DNAH5: variants seen among roughly 807,000 people sequenced by gnomAD.
The protein encoded by DNAH5 is dynein axonemal heavy chain 5.
Under a neutral mutation model 518.2 loss-of-function variants are expected in DNAH5, and 372 were observed. That is an observed-to-expected ratio of 0.72 (90% CI 0.66 to 0.78). The LOEUF (loss-of-function observed/expected upper bound fraction) is 0.78. Among genes scored for constraint, DNAH5 ranks in the 30% least tolerant of loss-of-function variants. The pLI is 0.00. For synonymous variants in DNAH5, 2,039 were observed against 2,025.9 expected (o/e 1.01, Z -0.17); for missense variants, 5,523 against 5,687.0 (o/e 0.97, Z 0.93).
chr5:13,923,628 A>T (rs950944035), intron 3 of DNAH5, among the ~76,000 whole-genome samples, 188 bp from the exon 4 acceptor site: 3 of 152,158 alleles, frequency 2.0e-5, no homozygotes, highest in Non-Finnish European at 1.5e-5. Flanking sequence ...TTGATTCCAG[A>T]TCATAGGTTC....
intron 59 of DNAH5, among the ~76,000 whole-genome samples, chr5:13,764,324 C>T (rs941708114): frequency 2.3e-4 from 35 of 152,056 alleles, no homozygotes; most frequent in Non-Finnish European, 2.1e-4. Context: ...GAACAACTAA[C>T]GCCAGAAAGC....
At chr5:13,897,907 A>G (rs2151957734) in intron 15 of DNAH5, 1 of 152,324 alleles carries the variant, frequency 6.6e-6, no homozygotes, top group Admixed American at 6.5e-5. Flanking sequence ...TGAGGCTATT[A>G]TAAAGACCAT....
At chr5:13,930,093 C>A (rs1258442888) in intron 2 of DNAH5, among the ~76,000 whole-genome samples, 2 of 152,142 alleles carry the variant, frequency 1.3e-5, no homozygotes, top group African/African-American at 2.4e-5. Flanking sequence ...ATTTCCTCAG[C>A]TCCTGCTTGA....
intron 1 of DNAH5, among the ~76,000 whole-genome samples, chr5:13,986,254 C>T (rs1480122608): frequency 2.6e-5 from 4 of 152,144 alleles, no homozygotes; most frequent in African/African-American, 9.7e-5. Flanking sequence ...CCCAGCAGCC[C>T]AGGGGTGGAA....
chr5:13,789,877 T>C (rs1386776386), intron 50 of DNAH5, among the ~76,000 whole-genome samples: 3 of 151,924 alleles, frequency 2.0e-5, no homozygotes, highest in East Asian at 1.9e-4. Flanking sequence ...GGAAAGTGAG[T>C]TTTCCCCAAA....
rs147427207 is a variant in DNAH5 at position 13,793,654 on chromosome 5, G to C, written c.8085C>G (p.Thr2695=). 2.4e-5 allele frequency: 38 copies of C among 1,614,086 alleles called. No homozygotes were observed. The Middle Eastern group carries it at 4.9e-4, about 21-fold the overall frequency. ...CCAAAAACTGGATGTCCACGATGCT[G>C]GTGAACTCCCCAGGCTTCTCTAGAT... is the stretch of plus-strand genomic sequence containing the variant. ...FYNLEKPGEF[T]SIVDIQFLAA... Residue 2695 remains threonine (T), a synonymous_variant, in exon 49 of 79, where the codon ACC becomes ACG. Transcript: ENST00000265104.
intron 57 of DNAH5, 49 bp from the exon 58 acceptor site, chr5:13,769,185 C>T (rs1191258148): frequency 3.1e-6 from 5 of 1,592,258 alleles, no homozygotes; most frequent in Non-Finnish European, 4.3e-6. Flanking sequence ...TATTAAACAT[C>T]CAGCTGAAAA....
chr5:13,982,552 T>C (rs13187902), intron 1 of DNAH5, among the ~76,000 whole-genome samples: 8 of 131,094 alleles, frequency 6.1e-5, no homozygotes, highest in Middle Eastern at 3.8e-3. Context: ...ATATGCATTA[T>C]TGCATGAGTG....
chr5:14,007,931 G>A (rs1008552623), intron 1 of DNAH5, among the ~76,000 whole-genome samples: 10 of 152,142 alleles, frequency 6.6e-5, no homozygotes, highest in Admixed American at 2.0e-4. Context: ...CCAGCACTTT[G>A]GGAGGCCGAG....
chr5:13,870,375 G>A (rs1769915149), intron 24 of DNAH5, among the ~76,000 whole-genome samples: 1 of 152,138 alleles, frequency 6.6e-6, no homozygotes, highest in South Asian at 2.1e-4. Flanking sequence ...TGACTTAGGA[G>A]TAGAAAGGGT....
At chr5:13,775,684 C>T (rs1281165332) in intron 55 of DNAH5, among the ~76,000 whole-genome samples, 1 of 152,012 alleles carries the variant, frequency 6.6e-6, no homozygotes, top group Non-Finnish European at 1.5e-5. Context: ...AGATGGGGTA[C>T]CACAGAGCTG....
chr5:13,900,179 TG>T (rs770015437), intron 15 of DNAH5, 26 bp downstream of exon 15: 6 of 1,579,120 alleles, frequency 3.8e-6, no homozygotes, highest in African/African-American at 1.3e-5. Context: ...TAGCCAAGAA[TG>T]GGGGGAAAAA....
chr5:13,840,359 A>T (rs1031981098), intron 34 of DNAH5, among the ~76,000 whole-genome samples: 1 of 152,142 alleles, frequency 6.6e-6, no homozygotes, highest in Non-Finnish European at 1.5e-5. Context: ...CCCATTTTCT[A>T]TAGCTACACA....
rs144989212 is a variant in DNAH5 at position 13,909,946 on chromosome 5, T to A, written c.1644+1440A>T. Among the ~76,000 whole-genome samples the A allele has an allele frequency of 3.7e-4, 57 of 152,332 alleles. 1 individual carries two copies. Among genetic ancestry groups the A allele is most frequent in the African/African-American group, 1.3e-3 (54 of 41,582 alleles). ...ACATATGGGAATAAAACATGATCCC[T>A]GCATTTGAGGTGCTCACCATCTATA... On this transcript the variant is annotated intron_variant, in intron 12 of 78. Coordinates refer to ENST00000265104, the MANE Select transcript of DNAH5 (RefSeq NM_001369.3).
chr5:13,792,220 G>A lies in DNAH5; in HGVS notation c.8225-3C>T. The A allele has an allele frequency of 4.4e-6, 7 of 1,608,550 alleles. 1 individual carries two copies. The highest frequency in any genetic ancestry group is 6.0e-6 in the Non-Finnish European group (7 of 1,175,092). ...GTAGTGGCCTACCCCAATCACACCTGAAAAGGGGGAAATTACAGCATTTTG... is the reference window on the plus strand; with the variant it reads ...GTAGTGGCCTACCCCAATCACACCTAAAAAGGGGGAAATTACAGCATTTTG... On this transcript the variant is annotated splice_region_variant and splice_polypyrimidine_tract_variant and intron_variant, in intron 49 of 78. Coordinates refer to ENST00000265104, the MANE Select transcript of DNAH5 (RefSeq NM_001369.3).
chr5:13,768,964 A>G lies in DNAH5; in HGVS notation c.9893T>C (p.Leu3298Ser). 1 of 1,614,174 alleles carries G rather than the reference A, an allele frequency of 6.2e-7. No individual in the cohort carries two copies. The highest frequency in any genetic ancestry group is 8.5e-7 in the Non-Finnish European group (1 of 1,179,992). The change falls in exon 58 of 79, where the codon TTG (leucine) becomes TCG (serine). Residue 3298 changes from leucine to serine, a missense_variant. By Grantham distance (145) the Leu-to-Ser change is moderately radical (BLOSUM62 -2). Transcript: ENST00000265104. ...TGTTATATCACATAGATGCACCTGC[A>G]ATGCAGCTTCTGCCTCTTCTAAAGC... ...KPALEEAEAA[L>S]QTIRPSDIAT...
intron 12 of DNAH5, among the ~76,000 whole-genome samples, chr5:13,907,642 A>G (rs1260485065): frequency 6.6e-6 from 1 of 152,210 alleles, no homozygotes; most frequent in African/African-American, 2.4e-5. Context: ...AACGTCACAC[A>G]TCTTATACTA....
chr5:13,851,939 G>A (rs1766923235), intron 30 of DNAH5, among the ~76,000 whole-genome samples: 1 of 151,936 alleles, frequency 6.6e-6, no homozygotes, highest in African/African-American at 2.4e-5. Flanking sequence ...TAGAAGCGGG[G>A]TGGGGCGTTG....
chr5:13,741,851 G>T (rs1748595991), intron 65 of DNAH5, among the ~76,000 whole-genome samples: 1 of 152,052 alleles, frequency 6.6e-6, no homozygotes, highest in Admixed American at 6.6e-5. Flanking sequence ...CTTGACATTT[G>T]CCATGTTTTA....
Sources: gnomAD v4.1 joint callset for allele counts (sites outside exome capture counted in the v4.1 genomes callset) on GRCh38, gnomAD v4.1.1 for gene constraint, MANE v1.5 for transcripts, NCBI Gene and HGNC (gene_info 2026-07-23, HGNC 2026-07-21) for gene names.